Variants in DPPA2 observed in about 807,000 individuals in gnomAD.
DPPA2 encodes developmental pluripotency-associated protein 2.
In DPPA2, 26 loss-of-function variants were observed where a neutral mutation model predicts 36.2. The ratio of observed to expected loss-of-function variants is 0.72; its 90% CI spans 0.53 to 1.00. The LOEUF (loss-of-function observed/expected upper bound fraction) is 1.00. Ranked by LOEUF, DPPA2 falls within the 50% of genes least tolerant of loss-of-function variation. DPPA2 has a pLI of 0.00. For missense variants in DPPA2, 361 were observed against 365.1 expected, an observed-to-expected ratio of 0.99 and a Z score of 0.09; for synonymous variants, 113 against 123.2, an observed-to-expected ratio of 0.92 and a Z score of 0.55.
At chr3:109,299,759 T>TG (rs1707425995) in intron 8 of DPPA2, among the ~76,000 whole-genome samples, 1 of 149,836 alleles carries the variant, frequency 6.7e-6, no homozygotes, top group South Asian at 2.1e-4. Context: ...ATTAGTTTTT[T>TG]TTTTTTTTTA....
chr3:109,300,275 G>T lies in DPPA2; in HGVS notation c.*22+96C>A, dbSNP rs971118988. 4.1e-6 allele frequency: 4 copies of T among 981,748 alleles called. No individual in the cohort carries two copies. In the African/African-American group the frequency reaches 4.8e-5, roughly 12 times the overall value. 60.8% of individuals were successfully genotyped at this position (981,748 alleles called of 1,614,324 possible). A position where few individuals can be genotyped will look rare whatever the true frequency, so the allele number is the denominator to read the frequency against. The stretch of plus-strand genomic sequence containing the variant: ...TTATGTCCTGTTTTTTAGTGAATAG[G>T]GGGAAGGCAGAGAGTTTCTCTTGTA... On this transcript the variant is annotated intron_variant, in intron 8 of 8. Coordinates refer to ENST00000478945, the MANE Select transcript of DPPA2 (RefSeq NM_138815.4).
chr3:109,312,623 C>A lies in DPPA2; in HGVS notation c.103G>T (p.Ala35Ser), dbSNP rs750894184. Reference sequence around the variant, plus strand: ...CTTGGTTCCATTTGTTCCATATTTGCGTCATCTTTAACTGGCACCAGTGTC... The same window carrying A: ...CTTGGTTCCATTTGTTCCATATTTGAGTCATCTTTAACTGGCACCAGTGTC... ...ILTLVPVKDDANMEQMEPSVS... is the reference protein window; with the variant it reads ...ILTLVPVKDDSNMEQMEPSVS... The change falls in exon 3 of 9, where the codon GCA becomes TCA. Residue 35 changes from alanine to serine, a missense_variant. Ala to Ser is a moderately conservative substitution (Grantham distance 99, BLOSUM62 1). Transcript: ENST00000478945. 5 of 1,613,694 alleles carry A rather than the reference C, an allele frequency of 3.1e-6. No homozygotes were observed. In the African/African-American group the frequency reaches 6.7e-5, roughly 22 times the overall value.
chr3:109,302,051 T>C (rs531971697), intron 7 of DPPA2, among the ~76,000 whole-genome samples: 1 of 152,298 alleles, frequency 6.6e-6, no homozygotes, highest in African/African-American at 2.4e-5. Context: ...TAAGACTCTG[T>C]CCATTGCTCC....
At chr3:109,303,464 G>A (rs909144766) in intron 7 of DPPA2, among the ~76,000 whole-genome samples, 11 of 151,104 alleles carry the variant, frequency 7.3e-5, no homozygotes, top group African/African-American at 2.2e-4. Flanking sequence ...TCTGCCTCCC[G>A]GGTTCAGCGA....
At chr3:109,306,057 G>A (rs1393495981) in intron 6 of DPPA2, among the ~76,000 whole-genome samples, 2 of 152,160 alleles carry the variant, frequency 1.3e-5, no homozygotes, top group Non-Finnish European at 2.9e-5. Context: ...AGGGAAAGGA[G>A]CAGTCACAGT....
At chr3:109,304,436 T>C in intron 7 of DPPA2, 39 bp downstream of exon 7, 1 of 1,547,618 alleles carries the variant, frequency 6.5e-7, no homozygotes, top group Non-Finnish European at 8.7e-7. Flanking sequence ...TACACCTACT[T>C]TTCTGTGTGC....
At chr3:109,314,901 C>CA (rs1220804492) in intron 1 of DPPA2, among the ~76,000 whole-genome samples, 7 of 151,962 alleles carry the variant, frequency 4.6e-5, no homozygotes, top group Non-Finnish European at 7.4e-5. Context: ...CCCATTTCTA[C>CA]AAAAAAACAC....
chr3:109,310,513 TG>T (rs1707686307), intron 3 of DPPA2, among the ~76,000 whole-genome samples: 1 of 151,386 alleles, frequency 6.6e-6, no homozygotes, highest in South Asian at 2.1e-4. Context: ...TTTTTTTTGT[TG>T]TTTTTTTTTG....
rs574027998 is a variant in DPPA2, at chr3:109,302,085, TCTAA to T, written c.855-1654_855-1651del. Among the ~76,000 whole-genome samples the T allele has an allele frequency of 1.1e-3, 169 of 152,292 alleles. 1 individual carries two copies. The highest frequency in any genetic ancestry group is 3.4e-3 in the Middle Eastern group (1 of 294). On this transcript the variant is annotated intron_variant, in intron 7 of 8. Transcript: ENST00000478945. The stretch of plus-strand genomic sequence containing the variant: ...CCCTTTACTCACTCATCTGCTAACC[TCTAA>T]CTGTGTTCTGTCTTCGCTGTCCACC...
chr3:109,309,031 G>A lies in DPPA2; in HGVS notation c.391C>T (p.Arg131Trp), dbSNP rs753659122. 2.9e-5 allele frequency: 47 copies of A among 1,614,058 alleles called. No homozygotes were observed. Among genetic ancestry groups the A allele is most frequent in the East Asian group, 2.5e-4 (11 of 44,896 alleles). ...RLHRHAYPEQ[R>W]QDMPEMSQET... ...TCAACACACTCATTACTCACTTGCC[G>A]TTGTTCAGGGTAAGCATGCCTATGA... Residue 131 changes from arginine (R) to tryptophan (W), a missense_variant, in exon 5 of 9, where the codon CGG becomes TGG. By Grantham distance (101) the Arg-to-Trp change is moderately radical (BLOSUM62 -3). Coordinates refer to ENST00000478945, the MANE Select transcript of DPPA2 (RefSeq NM_138815.4).
intron 3 of DPPA2, among the ~76,000 whole-genome samples, chr3:109,311,465 C>T (rs955830788): frequency 3.3e-5 from 5 of 152,096 alleles, no homozygotes; most frequent in African/African-American, 4.8e-5. Flanking sequence ...TTGGGCCGGT[C>T]GCAGTGGCTC....
At chr3:109,297,906 A>G (rs1310642049) in intron 8 of DPPA2, among the ~76,000 whole-genome samples, 1 of 152,222 alleles carries the variant, frequency 6.6e-6, no homozygotes, top group Non-Finnish European at 1.5e-5. Context: ...CAGAAGTTTG[A>G]GACCAATCTC....
intron 8 of DPPA2, among the ~76,000 whole-genome samples, chr3:109,297,437 T>A (rs1298264308): frequency 6.6e-6 from 1 of 151,376 alleles, no homozygotes; most frequent in Non-Finnish European, 1.5e-5. Context: ...GGCAGGATAA[T>A]CACTTGAACC....
At chr3:109,305,421 T>C (rs953002017) in intron 6 of DPPA2, among the ~76,000 whole-genome samples, 2 of 152,160 alleles carry the variant, frequency 1.3e-5, no homozygotes, top group African/African-American at 2.4e-5. Context: ...ACAGTCCATT[T>C]ACCTAACCAC....
rs187311600 is a variant in DPPA2 at position 109,293,850 on chromosome 3, T to A, written c.*177A>T. ...TTCAGACATACAGAAAGGGATTCTTTAGATGGGGCTGTGTCACTAGTCAAC... is the reference window on the plus strand; with the variant it reads ...TTCAGACATACAGAAAGGGATTCTTAAGATGGGGCTGTGTCACTAGTCAAC... On this transcript the variant is annotated 3_prime_UTR_variant, in exon 9 of 9. Transcript: ENST00000478945. 1 of 152,262 alleles carries A rather than the reference T, an allele frequency of 6.6e-6. No homozygotes were observed. The highest frequency in any genetic ancestry group is 6.6e-5 in the Admixed American group (1 of 15,242). 9.4% of individuals were successfully genotyped at this position (152,262 alleles called of 1,614,324 possible).
At chr3:109,303,087 A>G (rs952104213) in intron 7 of DPPA2, among the ~76,000 whole-genome samples, 8 of 152,148 alleles carry the variant, frequency 5.3e-5, no homozygotes, top group Admixed American at 5.2e-4. Context: ...TTCTAAATAT[A>G]TTATATTCTT....
chr3:109,307,469 G>T (rs1348726623), intron 6 of DPPA2, among the ~76,000 whole-genome samples: 1 of 151,730 alleles, frequency 6.6e-6, no homozygotes. Context: ...TGGGCGTGGT[G>T]GTGGGTGCCT....
At chr3:109,296,695 A>AT (rs1707357637) in intron 8 of DPPA2, among the ~76,000 whole-genome samples, 1 of 151,976 alleles carries the variant, frequency 6.6e-6, no homozygotes. Flanking sequence ...TAATAAAAAA[A>AT]AAAGGAAGGA....
At chr3:109,298,072 T>C (rs1401247151) in intron 8 of DPPA2, among the ~76,000 whole-genome samples, 1 of 151,418 alleles carries the variant, frequency 6.6e-6, no homozygotes, top group Non-Finnish European at 1.5e-5. Flanking sequence ...GACTGCACCA[T>C]TGCACTCCAG....
Sources: allele counts gnomAD v4.1 joint callset (sites outside exome capture counted in the v4.1 genomes callset), GRCh38; gene constraint gnomAD v4.1.1; transcripts MANE v1.5; gene names NCBI Gene and HGNC (gene_info 2026-07-23, HGNC 2026-07-21).